DNAJC1: variants seen among roughly 807,000 people sequenced by gnomAD.
DNAJC1 encodes DnaJ heat shock protein family (Hsp40) member C1.
In DNAJC1, 58 loss-of-function variants were observed where a neutral mutation model predicts 76.6. That is an observed-to-expected ratio of 0.76 (90% CI 0.61 to 0.94). The LOEUF (loss-of-function observed/expected upper bound fraction) is 0.94, where lower values mean the gene tolerates loss of function less well. Ranked by LOEUF, DNAJC1 falls within the 40% of genes least tolerant of loss-of-function variation. The pLI is 0.00. For missense variants in DNAJC1, 689 were observed against 677.3 expected, an observed-to-expected ratio of 1.02 and a Z score of -0.19; for synonymous variants, 258 against 267.9, an observed-to-expected ratio of 0.96 and a Z score of 0.36.
At chr10:21,870,265 TAAA>T (rs1316810937) in intron 8 of DNAJC1, among the ~76,000 whole-genome samples, 1 of 152,010 alleles carries the variant, frequency 6.6e-6, no homozygotes. Context: ...TTGTAATAAA[TAAA>T]AATTTTTTAG....
intron 1 of DNAJC1, among the ~76,000 whole-genome samples, chr10:21,992,322 G>A (rs1838338931): frequency 6.6e-6 from 1 of 152,006 alleles, no homozygotes; most frequent in Non-Finnish European, 1.5e-5. Context: ...AAAAATAATA[G>A]TAATTTTTGA....
At chr10:21,823,501 T>A (rs1018528032) in intron 8 of DNAJC1, among the ~76,000 whole-genome samples, 24 of 152,262 alleles carry the variant, frequency 1.6e-4, no homozygotes, top group African/African-American at 5.5e-4. Context: ...GATGAGTATT[T>A]TCCTTAATCT....
intron 1 of DNAJC1, among the ~76,000 whole-genome samples, chr10:21,996,480 T>C (rs1366733874): frequency 6.6e-6 from 1 of 152,220 alleles, no homozygotes; most frequent in African/African-American, 2.4e-5. Flanking sequence ...CAAAATATGA[T>C]TGTGAAATTA....
intron 1 of DNAJC1, among the ~76,000 whole-genome samples, chr10:21,940,282 C>T (rs182010410): frequency 2.1e-4 from 32 of 152,178 alleles, no homozygotes; most frequent in African/African-American, 7.2e-4. Context: ...GCTTCTATGG[C>T]CAATATGTTA....
At chr10:21,927,719 G>A (rs555815085) in intron 3 of DNAJC1, among the ~76,000 whole-genome samples, 10 of 152,312 alleles carry the variant, frequency 6.6e-5, no homozygotes, top group African/African-American at 2.4e-4. Flanking sequence ...GTGTGTGTGC[G>A]TATGTGTTGT....
At chr10:21,918,552 T>C (rs1002527426) in intron 6 of DNAJC1, among the ~76,000 whole-genome samples, 1 of 151,842 alleles carries the variant, frequency 6.6e-6, no homozygotes, top group South Asian at 2.1e-4. Flanking sequence ...TTCTAGCATC[T>C]TGGGACTCTA....
intron 8 of DNAJC1, among the ~76,000 whole-genome samples, chr10:21,862,003 C>T (rs1370139626): frequency 6.6e-6 from 1 of 152,094 alleles, no homozygotes; most frequent in East Asian, 1.9e-4. Flanking sequence ...ACCACAACCT[C>T]CACCTCCCAG....
rs182488914 is a variant in DNAJC1 at position 21,845,142 on chromosome 10, T to G, written c.978+37140A>C. 7.9e-5 allele frequency among the ~76,000 whole-genome samples: 12 copies of G among 152,270 alleles called. No homozygotes were observed. The East Asian group carries it at 2.3e-3, about 29-fold the overall frequency. On this transcript the variant is annotated intron_variant, in intron 8 of 11. Coordinates refer to ENST00000376980, the MANE Select transcript of DNAJC1 (RefSeq NM_022365.4). The stretch of plus-strand genomic sequence containing the variant: ...CTATAACCGTAAAAGCCTTCCTAGA[T>G]AATACACTGTATTTTGGGGGCTTCT...
At chr10:21,852,308 C>T (rs999952850) in intron 8 of DNAJC1, among the ~76,000 whole-genome samples, 3 of 151,998 alleles carry the variant, frequency 2.0e-5, no homozygotes, top group South Asian at 2.1e-4. Flanking sequence ...GTGGTTGTCA[C>T]GGGCTGGTGG....
intron 8 of DNAJC1, among the ~76,000 whole-genome samples, chr10:21,876,402 G>A (rs1836188484): frequency 6.6e-6 from 1 of 152,010 alleles, no homozygotes; most frequent in Non-Finnish European, 1.5e-5. Context: ...ATGAGCTACT[G>A]TGCCCAGCCT....
intron 7 of DNAJC1, among the ~76,000 whole-genome samples, chr10:21,898,224 A>C (rs1836577606): frequency 6.6e-6 from 1 of 152,374 alleles, no homozygotes; most frequent in East Asian, 1.9e-4. Flanking sequence ...AGATATAAAT[A>C]ATTAATGAAG....
At chr10:21,904,709 A>T (rs1836714735) in intron 6 of DNAJC1, 97 bp from the exon 7 acceptor site, 1 of 602,484 alleles carries the variant, frequency 1.7e-6, no homozygotes, top group South Asian at 4.1e-5. Flanking sequence ...TATTCATTTT[A>T]TAAGTAGGCT....
chr10:21,897,551 C>A (rs1590038646), intron 7 of DNAJC1, among the ~76,000 whole-genome samples: 2 of 152,158 alleles, frequency 1.3e-5, no homozygotes, highest in South Asian at 4.1e-4. Context: ...TTACTGCCTG[C>A]GCCCTGCTTC....
intron 10 of DNAJC1, 74 bp from the exon 11 acceptor site, chr10:21,759,692 GGGCACAGAGCA>G: frequency 7.0e-7 from 1 of 1,438,006 alleles, no homozygotes; most frequent in Non-Finnish European, 9.5e-7. Context: ...AGCAGCTGCC[GGGCACAGAGCA>G]GGCAGCGCAC....
At chr10:21,908,949 G>A (rs1836806941) in intron 6 of DNAJC1, among the ~76,000 whole-genome samples, 1 of 151,788 alleles carries the variant, frequency 6.6e-6, no homozygotes, top group Non-Finnish European at 1.5e-5. Flanking sequence ...GCAGTGACAT[G>A]ATCTCAGCTC....
chr10:21,837,439 C>G (rs1038884148), intron 8 of DNAJC1, among the ~76,000 whole-genome samples: 1 of 147,178 alleles, frequency 6.8e-6, no homozygotes. Flanking sequence ...CGCCTCTTCC[C>G]GGCCGCCATC....
chr10:21,948,762 C>T (rs116954864), intron 1 of DNAJC1, among the ~76,000 whole-genome samples: 2,935 of 152,168 alleles, frequency 0.019, 55 homozygotes, highest in Middle Eastern at 0.061. Context: ...TAGAACGTAT[C>T]CCCTACAGAT....
chr10:21,973,742 AAAAAAAAG>A (rs1392770583), intron 1 of DNAJC1, among the ~76,000 whole-genome samples: 1 of 84,048 alleles, frequency 1.2e-5, no homozygotes, highest in Admixed American at 1.2e-4. Flanking sequence ...CTACTTAAAA[AAAAAAAAG>A]AAAAAAAGAA....
At chr10:21,937,993 T>C (rs1837340457) in intron 1 of DNAJC1, among the ~76,000 whole-genome samples, 2 of 152,144 alleles carry the variant, frequency 1.3e-5, no homozygotes, top group East Asian at 1.9e-4. Context: ...ATACTCTTTT[T>C]AAAAGAATAA....
Sources: allele counts gnomAD v4.1 joint callset (sites outside exome capture counted in the v4.1 genomes callset), GRCh38; gene constraint gnomAD v4.1.1; transcripts MANE v1.5; gene names NCBI Gene and HGNC (gene_info 2026-07-23, HGNC 2026-07-21).